CNNM2: variants seen among roughly 807,000 people sequenced by gnomAD.
CNNM2 encodes cyclin and CBS domain divalent metal cation transport mediator 2.
Under a neutral mutation model 66.9 loss-of-function variants are expected in CNNM2, and 12 were observed. The ratio of observed to expected loss-of-function variants is 0.18; its 90% CI spans 0.11 to 0.29. The LOEUF is 0.29. Among genes scored for constraint, CNNM2 ranks in the 10% least tolerant of loss-of-function variants. The pLI, the probability that CNNM2 is intolerant of heterozygous loss-of-function variation, is 1.00. For synonymous variants in CNNM2, 557 were observed against 501.8 expected (o/e 1.11, Z -1.47); for missense variants, 705 against 1,167.7 (o/e 0.60, Z 5.77).
chr10:102,992,619 T>A (rs2063918979), intron 1 of CNNM2, among the ~76,000 whole-genome samples: 1 of 151,958 alleles, frequency 6.6e-6, no homozygotes, highest in African/African-American at 2.4e-5. Context: ...GAATGGAGTG[T>A]GTGTAAAGGG....
At chr10:102,980,122 G>A (rs1192627543) in intron 1 of CNNM2, among the ~76,000 whole-genome samples, 1 of 151,936 alleles carries the variant, frequency 6.6e-6, no homozygotes, top group Non-Finnish European at 1.5e-5. Flanking sequence ...CGCCATGTTG[G>A]CAGGCTGGTC....
chr10:102,955,738 A>G (rs1424097044), intron 1 of CNNM2, among the ~76,000 whole-genome samples: 1 of 152,252 alleles, frequency 6.6e-6, no homozygotes, highest in Non-Finnish European at 1.5e-5. Flanking sequence ...ACTTCTCAAA[A>G]GAAGACATTT....
At chr10:103,049,435 G>A (rs998110244) in intron 1 of CNNM2, among the ~76,000 whole-genome samples, 1 of 152,162 alleles carries the variant, frequency 6.6e-6, no homozygotes, top group African/African-American at 2.4e-5. Flanking sequence ...GAAAGGTTAC[G>A]CAACAAGAGA....
intron 1 of CNNM2, among the ~76,000 whole-genome samples, chr10:103,009,346 A>G (rs1458017896): frequency 6.6e-6 from 1 of 152,168 alleles, no homozygotes; most frequent in East Asian, 1.9e-4. Flanking sequence ...TTGGTTTATG[A>G]CATTTGAGTT....
At chr10:103,023,881 TA>T (rs1208738979) in intron 1 of CNNM2, among the ~76,000 whole-genome samples, 1 of 152,216 alleles carries the variant, frequency 6.6e-6, no homozygotes, top group Non-Finnish European at 1.5e-5. Context: ...GTATAATGAA[TA>T]TACATATATT....
chr10:102,918,596 G>T lies in CNNM2; in HGVS notation c.116G>T (p.Gly39Val), dbSNP rs775896596. The T allele has an allele frequency of 4.5e-6, 7 of 1,562,768 alleles. No individual in the cohort carries two copies. The South Asian group carries it at 8.2e-5, about 18-fold the overall frequency. ...CGCAGCCTCAGCGCTCGCGGCCGGGGGATCCTGCAGGCGGCTGCGGGGCGG... is the reference window on the plus strand; with the variant it reads ...CGCAGCCTCAGCGCTCGCGGCCGGGTGATCCTGCAGGCGGCTGCGGGGCGG... ...ARRSLSARGRGILQAAAGRLL... is the reference protein window; with the variant it reads ...ARRSLSARGRVILQAAAGRLL... The change falls in exon 1 of 8, where the codon GGG (glycine) becomes GTG (valine). Residue 39 changes from glycine to valine, a missense_variant. Around this residue, in one of 9 missense-constraint regions of CNNM2, gnomAD observed 98 missense variants for 73.6 expected, o/e 1.33. Coordinates refer to ENST00000369878, the MANE Select transcript of CNNM2 (RefSeq NM_017649.5). The surrounding 1 kb of genome is among the most constrained non-coding windows in gnomAD (Gnocchi z 4.1).
chr10:103,002,442 C>G (rs1272694473), intron 1 of CNNM2, among the ~76,000 whole-genome samples: 3 of 151,082 alleles, frequency 2.0e-5, no homozygotes, highest in African/African-American at 7.3e-5. Flanking sequence ...AGATAACAAG[C>G]CTGGGCTGGC....
intron 1 of CNNM2, among the ~76,000 whole-genome samples, chr10:102,958,013 T>C (rs555111869): frequency 6.6e-6 from 1 of 152,340 alleles, no homozygotes; most frequent in African/African-American, 2.4e-5. Flanking sequence ...CTTGGCTCAC[T>C]GCAACCTCCG....
chr10:103,066,644 C>T (rs888687294), intron 4 of CNNM2, among the ~76,000 whole-genome samples: 3 of 152,252 alleles, frequency 2.0e-5, no homozygotes, highest in Non-Finnish European at 4.4e-5. Context: ...TGGTCATCCA[C>T]AGCTTTTCCT....
intron 1 of CNNM2, among the ~76,000 whole-genome samples, chr10:103,041,385 T>G (rs1055215404): frequency 6.6e-6 from 1 of 152,196 alleles, no homozygotes; most frequent in Non-Finnish European, 1.5e-5. Flanking sequence ...TTCAGAGTTT[T>G]AAAGCCTGGG....
chr10:103,025,058 A>G (rs1196504491), intron 1 of CNNM2, among the ~76,000 whole-genome samples: 2 of 152,128 alleles, frequency 1.3e-5, no homozygotes, highest in Non-Finnish European at 2.9e-5. Flanking sequence ...TGATTAAGGT[A>G]GTGACTGCAG....
At chr10:103,016,348 AT>A (rs1392595994) in intron 1 of CNNM2, among the ~76,000 whole-genome samples, 3 of 152,132 alleles carry the variant, frequency 2.0e-5, no homozygotes, top group African/African-American at 7.2e-5. Context: ...TCCTTTAAAA[AT>A]CTTTTCAATA....
chr10:103,026,477 T>C (rs1326396080), intron 1 of CNNM2, among the ~76,000 whole-genome samples: 2 of 151,758 alleles, frequency 1.3e-5, no homozygotes, highest in African/African-American at 4.8e-5. Context: ...TGCACATACC[T>C]GTAGTCTCAG....
chr10:103,065,470 A>G (rs535310240), intron 4 of CNNM2, among the ~76,000 whole-genome samples: 9 of 152,270 alleles, frequency 5.9e-5, no homozygotes, highest in African/African-American at 2.2e-4. Context: ...GAACCTATGG[A>G]TTAAATAGAA....
intron 1 of CNNM2, among the ~76,000 whole-genome samples, chr10:103,011,964 T>TAC (rs1309534225): frequency 1.3e-5 from 2 of 152,146 alleles, no homozygotes; most frequent in African/African-American, 2.4e-5. Flanking sequence ...GTGCTGAGAT[T>TAC]ACAAGTGTGA....
At chr10:103,018,254 G>C (rs1317870115) in intron 1 of CNNM2, among the ~76,000 whole-genome samples, 1 of 152,136 alleles carries the variant, frequency 6.6e-6, no homozygotes, top group African/African-American at 2.4e-5. Context: ...TCAGATTCTG[G>C]ATAGAAAAAG....
intron 1 of CNNM2, among the ~76,000 whole-genome samples, chr10:103,031,821 T>C (rs1220555694): frequency 8.8e-6 from 1 of 114,122 alleles, no homozygotes; most frequent in Non-Finnish European, 1.8e-5. Flanking sequence ...CAGAACTGTC[T>C]GCTTAAGTAC....
At position 102,976,624 on chromosome 10, in the gene CNNM2, T is replaced by TTTTTTTTTTTTTTTTTTTTG. The variant is rs779405858; in HGVS notation, c.1621+56538_1621+56539insTTTTGTTTTTTTTTTTTTTT. ...CACGCCCAGGTAATTTTTTTTTTTT[T>TTTTTTTTTTTTTTTTTTTTG]TTTTTTTTTTTTTTTGTATTTTTAG... On this transcript the variant is annotated intron_variant, in intron 1 of 7. Coordinates refer to ENST00000369878, the MANE Select transcript of CNNM2 (RefSeq NM_017649.5). Among the ~76,000 whole-genome samples the TTTTTTTTTTTTTTTTTTTTG allele has an allele frequency of 5.7e-5, 6 of 105,708 alleles. 1 individual carries two copies. The highest frequency in any genetic ancestry group is 1.2e-4 in the Non-Finnish European group (6 of 49,670). The allele number at this position is 105,708 out of a possible 152,430, so 69.3% of individuals were successfully genotyped here. A position where few individuals can be genotyped will look rare whatever the true frequency, so the allele number is the denominator to read the frequency against.
chr10:102,925,067 C>T (rs760016912), intron 1 of CNNM2, among the ~76,000 whole-genome samples: 3 of 151,738 alleles, frequency 2.0e-5, no homozygotes, highest in African/African-American at 7.3e-5. Context: ...GAGGCTGAGA[C>T]GGGTGGATCA....
Sources: gnomAD v4.1 joint callset for allele counts (sites outside exome capture counted in the v4.1 genomes callset) on GRCh38, gnomAD v4.1.1 for gene constraint, gnomAD v4.1.1 regional missense constraint, Gnocchi (gnomAD v3.1) non-coding constraint, MANE v1.5 for transcripts, NCBI Gene and HGNC (gene_info 2026-07-23, HGNC 2026-07-21) for gene names.